The following TEK variants were observed in gnomAD, a reference collection of about 807,000 sequenced individuals.
The protein encoded by TEK is angiopoietin-1 receptor.
In TEK, 43 loss-of-function variants were observed where a neutral mutation model predicts 131.8. The ratio of observed to expected loss-of-function variants is 0.33; its 90% confidence interval spans 0.26 to 0.42. The LOEUF is 0.42. Among genes scored for constraint, TEK ranks in the 10% least tolerant of loss-of-function variants. The pLI is 1.00. For synonymous variants in TEK, 580 were observed against 491.6 expected (o/e 1.18, Z -2.38); for missense variants, 1,162 against 1,384.4 (o/e 0.84, Z 2.55).
At chr9:27,224,193 C>T (rs1826210090) in intron 21 of TEK, among the ~76,000 whole-genome samples, 1 of 152,210 alleles carries the variant, frequency 6.6e-6, no homozygotes, top group Admixed American at 6.5e-5. Context: ...CAAAGAGGAG[C>T]TGGTACCATT....
intron 9 of TEK, among the ~76,000 whole-genome samples, chr9:27,186,828 T>C (rs1824616624): frequency 6.6e-6 from 1 of 152,166 alleles, no homozygotes; most frequent in Non-Finnish European, 1.5e-5. Flanking sequence ...CAGAACATAA[T>C]CTGTTTTTTA....
intron 21 of TEK, among the ~76,000 whole-genome samples, chr9:27,221,830 C>T (rs1248585681): frequency 6.6e-6 from 1 of 152,186 alleles, no homozygotes; most frequent in Non-Finnish European, 1.5e-5. Context: ...CAGAATGCCT[C>T]TCCTCCTCCA....
chr9:27,138,851 C>A (rs1295740413), intron 1 of TEK, among the ~76,000 whole-genome samples: 1 of 152,092 alleles, frequency 6.6e-6, no homozygotes, highest in Non-Finnish European at 1.5e-5. Context: ...GGTCCTGGAA[C>A]CAATCCCCTG....
Position 27,209,195 on chromosome 9 carries a change from A to C in TEK, c.2650A>C (p.Asn884His), listed in dbSNP as rs1264655347. 6.2e-7 allele frequency: 1 copy of C among 1,614,048 alleles called. No individual in the cohort carries two copies. The highest frequency in any genetic ancestry group is 1.7e-5 in the Admixed American group (1 of 60,022). ...EVLCKLGHHP[N>H]IINLLGACEH... ...TCTTTGTAAACTTGGACACCATCCA[A>C]ACATCATCAATCTCTTAGGAGCATG... Residue 884 changes from asparagine to histidine, a missense_variant, in exon 16 of 23, where the codon AAC (asparagine) becomes CAC (histidine). This residue lies in a region of TEK where 57 missense variants were observed against 100.8 expected (regional missense o/e 0.57). Transcript: ENST00000380036.
In TEK at chr9:27,141,455, T is replaced by C. The variant is rs149506775; in HGVS notation, c.53-16376T>C. 4.4e-3 allele frequency among the ~76,000 whole-genome samples: 665 copies of C among 152,320 alleles called. 4 individuals are homozygous for C. The highest frequency in any genetic ancestry group is 0.015 in the African/African-American group (639 of 41,582). Reference sequence around the variant, plus strand: ...TGCATACTGTAACTTTCTCTCATCCTTCCTTTTCCCTTCCAAGTCTTTGCT... The same window carrying C: ...TGCATACTGTAACTTTCTCTCATCCCTCCTTTTCCCTTCCAAGTCTTTGCT... On this transcript the variant is annotated intron_variant, in intron 1 of 22. Transcript: ENST00000380036.
At chr9:27,118,918 C>G (rs192541582) in intron 1 of TEK, among the ~76,000 whole-genome samples, 4 of 152,334 alleles carry the variant, frequency 2.6e-5, no homozygotes, top group East Asian at 1.9e-4. Flanking sequence ...ACCAACTTCG[C>G]TGACCACTTG....
In TEK at chr9:27,225,492, G is replaced by A. The variant is rs181486545; in HGVS notation, c.3201-2714G>A. Among the ~76,000 whole-genome samples the A allele has an allele frequency of 1.4e-3, 209 of 152,224 alleles. 5 individuals carry two copies. In the East Asian group the frequency reaches 0.032, roughly 23 times the overall value. ...CTGACAAAAACAAGCAATGGGGAAA[G>A]GATTCCCTATTTAATAAATGGCGTT... On this transcript the variant is annotated intron_variant, in intron 21 of 22. Transcript: ENST00000380036.
At chr9:27,171,906 T>A (rs1306449447) in intron 4 of TEK, among the ~76,000 whole-genome samples, 1 of 152,176 alleles carries the variant, frequency 6.6e-6, no homozygotes, top group Non-Finnish European at 1.5e-5. Context: ...TTTAGCTAGT[T>A]TCTCTGGAGT....
At chr9:27,196,006 G>C (rs951183579) in intron 11 of TEK, among the ~76,000 whole-genome samples, 5 of 152,326 alleles carry the variant, frequency 3.3e-5, no homozygotes, top group African/African-American at 1.2e-4. Context: ...AGCAGGAATA[G>C]GCCTGGCCCT....
intron 21 of TEK, among the ~76,000 whole-genome samples, chr9:27,224,367 A>C (rs879262112): frequency 5.5e-4 from 83 of 152,136 alleles, no homozygotes; most frequent in Admixed American, 2.6e-3. Flanking sequence ...TCAATAAAAT[A>C]CTGGGAAACA....
At chr9:27,137,766 T>G (rs1041353725) in intron 1 of TEK, among the ~76,000 whole-genome samples, 5 of 152,164 alleles carry the variant, frequency 3.3e-5, no homozygotes, top group African/African-American at 1.2e-4. Context: ...CCTAAGAACA[T>G]CTTTTAGACT....
chr9:27,221,851 A>G (rs1375536429), intron 21 of TEK, among the ~76,000 whole-genome samples: 1 of 152,142 alleles, frequency 6.6e-6, no homozygotes, highest in Non-Finnish European at 1.5e-5. Flanking sequence ...AAGGATCACA[A>G]CTCCTTGCCA....
rs541644159 is a variant in TEK, at chr9:27,143,951, G to A, written c.53-13880G>A. Among the ~76,000 whole-genome samples the A allele has an allele frequency of 2.0e-5, 3 of 152,296 alleles. 1 individual carries two copies. Among genetic ancestry groups the A allele is most frequent in the African/African-American group, 7.2e-5 (3 of 41,566 alleles). On this transcript the variant is annotated intron_variant, in intron 1 of 22. Transcript: ENST00000380036. ...TGAATGTGGAGAGAAGAGAAGTGTT[G>A]GAGGAAGGCAATGCAGACAGGGAGT...
rs1321101313 is a variant in TEK at position 27,109,549 on chromosome 9, C to G, written c.-42C>G. The G allele has an allele frequency of 1.9e-6, 3 of 1,609,750 alleles. No homozygotes were observed. Among genetic ancestry groups the G allele is most frequent in the Non-Finnish European group, 2.6e-6 (3 of 1,176,134 alleles). On this transcript the variant is annotated 5_prime_UTR_variant, in exon 1 of 23. Transcript: ENST00000380036. The stretch of plus-strand genomic sequence containing the variant: ...GTTTTTGAAAGGATCCTTGGGACCT[C>G]ATGCACATTTGTGGAAACTGGATGG...
intron 18 of TEK, among the ~76,000 whole-genome samples, chr9:27,216,849 CTG>C (rs1825836760): frequency 6.6e-6 from 1 of 152,098 alleles, no homozygotes; most frequent in Admixed American, 6.5e-5. Context: ...GGAGATGCCA[CTG>C]TGAAAGTCTG....
At chr9:27,166,651 T>G (rs867406187) in intron 2 of TEK, among the ~76,000 whole-genome samples, 1 of 152,218 alleles carries the variant, frequency 6.6e-6, no homozygotes, top group African/African-American at 2.4e-5. Context: ...AATACTAGCT[T>G]TATTTAGTAT....
chr9:27,126,062 C>T (rs1447274376), intron 1 of TEK, among the ~76,000 whole-genome samples: 1 of 152,128 alleles, frequency 6.6e-6, no homozygotes, highest in Non-Finnish European at 1.5e-5. Flanking sequence ...CTGTAAACCA[C>T]GAACACGAGG....
At chr9:27,190,749 C>T in intron 10 of TEK, 59 bp downstream of exon 10, 1 of 1,603,940 alleles carries the variant, frequency 6.2e-7, no homozygotes. Context: ...AATTATTTTT[C>T]TCCAAATCTA....
intron 16 of TEK, among the ~76,000 whole-genome samples, chr9:27,210,942 G>A (rs1008416587): frequency 6.6e-6 from 1 of 152,012 alleles, no homozygotes; most frequent in East Asian, 1.9e-4. Context: ...CCAACATGGT[G>A]AAACCCTGTC....
Sources: gnomAD v4.1 joint callset for allele counts (sites outside exome capture counted in the v4.1 genomes callset) on GRCh38, gnomAD v4.1.1 for gene constraint, gnomAD v4.1.1 regional missense constraint, MANE v1.5 for transcripts, NCBI Gene and HGNC (gene_info 2026-07-23, HGNC 2026-07-21) for gene names.